FAM171A1: variants seen among roughly 807,000 people sequenced by gnomAD.
The protein encoded by FAM171A1 is protein FAM171A1.
Under a neutral mutation model 74.9 loss-of-function variants are expected in FAM171A1, and 23 were observed. The ratio of observed to expected loss-of-function variants is 0.31; its 90% CI spans 0.22 to 0.44. FAM171A1 has a LOEUF of 0.44. Among genes scored for constraint, FAM171A1 ranks in the 20% least tolerant of loss-of-function variants. The probability of loss-of-function intolerance (pLI) is 1.00; values close to 1 mark genes in which losing one functional copy is unlikely to be tolerated. For synonymous variants in FAM171A1, 527 were observed against 505.7 expected (o/e 1.04, Z -0.57); for missense variants, 1,162 against 1,159.2 (o/e 1.00, Z -0.03).
upstream of FAM171A1, among the ~76,000 whole-genome samples, chr10:15,372,282 G>A (rs1024466264): frequency 1.3e-5 from 2 of 152,148 alleles, no homozygotes; most frequent in Admixed American, 6.5e-5. Context: ...ATTCACAGAT[G>A]AGAAAAGAGG....
At chr10:15,281,649 G>T (rs1338596985) in intron 2 of FAM171A1, among the ~76,000 whole-genome samples, 6 of 152,190 alleles carry the variant, frequency 3.9e-5, no homozygotes, top group African/African-American at 1.4e-4. Flanking sequence ...ATCACCTGAG[G>T]TCAGGAGCTC....
chr10:15,248,344 A>C (rs1336737968), intron 5 of FAM171A1, among the ~76,000 whole-genome samples: 1 of 152,332 alleles, frequency 6.6e-6, no homozygotes, highest in Non-Finnish European at 1.5e-5. Flanking sequence ...TAAAAGGATG[A>C]AGATTAGGAG....
chr10:15,256,490 G>A (rs1394356557), intron 3 of FAM171A1, among the ~76,000 whole-genome samples: 1 of 152,150 alleles, frequency 6.6e-6, no homozygotes, highest in Admixed American at 6.5e-5. Flanking sequence ...CCCAGGTTTA[G>A]AGCCCAGCGA....
At chr10:15,243,875 T>C (rs764077253) in intron 5 of FAM171A1, among the ~76,000 whole-genome samples, 21 of 152,216 alleles carry the variant, frequency 1.4e-4, no homozygotes, top group Admixed American at 5.2e-4. Flanking sequence ...CTCAGCCTCC[T>C]GAGTAGCTGG....
chr10:15,263,750 T>TCTATCTAA (rs1410869130), intron 3 of FAM171A1, among the ~76,000 whole-genome samples: 16 of 143,452 alleles, frequency 1.1e-4, no homozygotes, highest in Admixed American at 2.7e-4. Flanking sequence ...TGTCTATCTA[T>TCTATCTAA]CTATCTATCT....
chr10:15,229,147 T>C (rs1834149787), intron 5 of FAM171A1, among the ~76,000 whole-genome samples: 1 of 152,180 alleles, frequency 6.6e-6, no homozygotes. Flanking sequence ...CCATTTCTAC[T>C]CCTACAGCTA....
At chr10:15,271,016 G>A (rs938298462) in intron 3 of FAM171A1, among the ~76,000 whole-genome samples, 1 of 152,206 alleles carries the variant, frequency 6.6e-6, no homozygotes, top group Non-Finnish European at 1.5e-5. Flanking sequence ...ATGGAACAAA[G>A]CTGGACAGAG....
intron 5 of FAM171A1, among the ~76,000 whole-genome samples, chr10:15,234,164 T>C (rs1834249674): frequency 6.6e-6 from 1 of 151,698 alleles, no homozygotes; most frequent in Non-Finnish European, 1.5e-5. Context: ...AAAAAAAACA[T>C]ACAAAGTGTT....
intron 1 of FAM171A1, among the ~76,000 whole-genome samples, chr10:15,297,109 G>A (rs1835171515): frequency 6.6e-6 from 1 of 151,462 alleles, no homozygotes; most frequent in South Asian, 2.1e-4. Context: ...CCAGGCTGGA[G>A]TGCAGAGACA....
intron 1 of FAM171A1, among the ~76,000 whole-genome samples, chr10:15,289,416 T>C (rs1390350738): frequency 6.6e-6 from 1 of 152,174 alleles, no homozygotes; most frequent in Non-Finnish European, 1.5e-5. Context: ...TGGGACATCC[T>C]TTTCTCACTC....
intron 4 of FAM171A1, among the ~76,000 whole-genome samples, chr10:15,249,938 A>G (rs1294337493): frequency 2.0e-5 from 3 of 152,240 alleles, no homozygotes; most frequent in African/African-American, 7.2e-5. Flanking sequence ...CACAATGACA[A>G]AAACACAGCG....
At chr10:15,297,705 C>T (rs569768276) in intron 1 of FAM171A1, among the ~76,000 whole-genome samples, 1 of 152,250 alleles carries the variant, frequency 6.6e-6, no homozygotes, top group Non-Finnish European at 1.5e-5. Context: ...GGACATCTTT[C>T]CCTCAATTTA....
chr10:15,271,703 C>T (rs992254257), intron 3 of FAM171A1, among the ~76,000 whole-genome samples: 1 of 152,154 alleles, frequency 6.6e-6, no homozygotes, highest in African/African-American at 2.4e-5. Context: ...ACTTTACAAG[C>T]CAGAAGACAG....
intron 3 of FAM171A1, among the ~76,000 whole-genome samples, chr10:15,268,938 A>C (rs1834784640): frequency 6.6e-6 from 1 of 152,152 alleles, no homozygotes; most frequent in Non-Finnish European, 1.5e-5. Context: ...GCTACTGGGG[A>C]GGCTGATGCA....
chr10:15,332,144 G>A (rs557347453), intron 1 of FAM171A1, among the ~76,000 whole-genome samples: 2 of 151,694 alleles, frequency 1.3e-5, no homozygotes, highest in Non-Finnish European at 2.9e-5. Flanking sequence ...AGTAGAGATG[G>A]GGTTTTGCAA....
chr10:15,291,994 C>T (rs924192970), intron 1 of FAM171A1, among the ~76,000 whole-genome samples: 3 of 152,154 alleles, frequency 2.0e-5, no homozygotes, highest in African/African-American at 7.2e-5. Context: ...AACAAAACCC[C>T]ATAAACTGGG....
chr10:15,359,468 T>G (rs745352411), intron 1 of FAM171A1, among the ~76,000 whole-genome samples: 23 of 152,156 alleles, frequency 1.5e-4, no homozygotes, highest in Non-Finnish European at 2.5e-4. Context: ...CTCAACATCC[T>G]CAAGGGCAGA....
intron 5 of FAM171A1, among the ~76,000 whole-genome samples, chr10:15,240,301 C>A (rs1008281237): frequency 6.6e-6 from 1 of 152,088 alleles, no homozygotes; most frequent in African/African-American, 2.4e-5. Flanking sequence ...GCAGAGGTTG[C>A]GGTGAGCTGA....
chr10:15,293,173 T>G (rs991234468), intron 1 of FAM171A1, among the ~76,000 whole-genome samples: 1 of 152,234 alleles, frequency 6.6e-6, no homozygotes, highest in African/African-American at 2.4e-5. Context: ...TGGCACACAG[T>G]AGTCACCTAA....
Sources: allele counts gnomAD v4.1 joint callset (sites outside exome capture counted in the v4.1 genomes callset), GRCh38; gene constraint gnomAD v4.1.1; transcripts MANE v1.5; gene names NCBI Gene and HGNC (gene_info 2026-07-23, HGNC 2026-07-21).